The following DIAPH3 variants were observed in gnomAD, a reference collection of about 807,000 sequenced individuals.
The protein encoded by DIAPH3 is protein diaphanous homolog 3.
A neutral mutation model predicts 144.3 loss-of-function variants in DIAPH3; 117 were observed. The observed-to-expected ratio is 0.81, with a 90% CI of 0.70 to 0.95. The LOEUF is 0.95. Ranked by LOEUF, DIAPH3 falls within the 40% of genes least tolerant of loss-of-function variation. The pLI is 0.00. For missense variants in DIAPH3, 1,421 were observed against 1,412.7 expected, an observed-to-expected ratio of 1.01 and a Z score of -0.09; for synonymous variants, 519 against 488.9, an observed-to-expected ratio of 1.06 and a Z score of -0.81.
intron 15 of DIAPH3, 36 bp downstream of exon 15, chr13:59,974,316 T>G (rs934224147): frequency 3.9e-6 from 6 of 1,536,276 alleles, no homozygotes; most frequent in Non-Finnish European, 5.4e-6. Flanking sequence ...CTCACTGTGT[T>G]TTTAATACCC....
intron 27 of DIAPH3, among the ~76,000 whole-genome samples, chr13:59,742,713 GAAAA>G (rs1020963127): frequency 3.3e-4 from 44 of 133,436 alleles, no homozygotes; most frequent in Non-Finnish European, 6.0e-4. Context: ...AGAAAGAAAA[GAAAA>G]GAAAGAAAAG....
chr13:59,687,119 T>G (rs2033259677), intron 27 of DIAPH3, among the ~76,000 whole-genome samples: 2 of 152,086 alleles, frequency 1.3e-5, no homozygotes, highest in Admixed American at 6.6e-5. Context: ...ATGAATTTAA[T>G]CAGAAGCAGC....
At chr13:60,105,114 A>AAAAAAAC (rs2058382366) in intron 3 of DIAPH3, among the ~76,000 whole-genome samples, 2 of 150,704 alleles carry the variant, frequency 1.3e-5, no homozygotes, top group African/African-American at 2.4e-5. Context: ...AAAAAAAAAA[A>AAAAAAAC]AAAAAAAAAA....
intron 17 of DIAPH3, among the ~76,000 whole-genome samples, chr13:59,934,488 T>C (rs1383502442): frequency 6.6e-6 from 1 of 152,128 alleles, no homozygotes; most frequent in African/African-American, 2.4e-5. Flanking sequence ...ATAATTTACC[T>C]AGAAAATGAA....
At chr13:59,831,733 A>C (rs980143648) in intron 24 of DIAPH3, among the ~76,000 whole-genome samples, 2 of 151,852 alleles carry the variant, frequency 1.3e-5, no homozygotes, top group Non-Finnish European at 2.9e-5. Flanking sequence ...ATCAGGCAGG[A>C]TATTTCTAGG....
intron 5 of DIAPH3, 60 bp from the exon 6 acceptor site, chr13:60,016,205 T>A: frequency 7.1e-7 from 1 of 1,409,458 alleles, no homozygotes; most frequent in Non-Finnish European, 1.0e-6. Context: ...GTTATCATAT[T>A]ATATACCTAC....
chr13:59,687,147 A>C (rs1294482447), intron 27 of DIAPH3, among the ~76,000 whole-genome samples: 1 of 152,120 alleles, frequency 6.6e-6, no homozygotes, highest in Non-Finnish European at 1.5e-5. Context: ...GTGCAGGAAG[A>C]ATTTTCTCTT....
intron 4 of DIAPH3, among the ~76,000 whole-genome samples, chr13:60,085,024 T>A (rs990497091): frequency 6.6e-6 from 1 of 152,078 alleles, no homozygotes. Flanking sequence ...ATCTCTTAAG[T>A]ACAAAAGAGC....
At chr13:59,808,942 T>A (rs889466283) in intron 25 of DIAPH3, among the ~76,000 whole-genome samples, 2 of 152,202 alleles carry the variant, frequency 1.3e-5, no homozygotes, top group African/African-American at 2.4e-5. Flanking sequence ...GTGTTTTCGA[T>A]AATGTAAATA....
At chr13:59,910,814 GT>G (rs1189438078) in intron 20 of DIAPH3, among the ~76,000 whole-genome samples, 1 of 148,758 alleles carries the variant, frequency 6.7e-6, no homozygotes, top group Non-Finnish European at 1.5e-5. Context: ...TTCCTTTTGT[GT>G]TCTATTTGGA....
In DIAPH3 at chr13:59,699,382, G is replaced by A. The variant is rs538181725; in HGVS notation, c.3320-32536C>T. Among the ~76,000 whole-genome samples, 465 of 152,320 alleles carry A rather than the reference G, an allele frequency of 3.1e-3. 2 individuals carry two copies. Among genetic ancestry groups the A allele is most frequent in the African/African-American group, 9.9e-3 (410 of 41,568 alleles). On this transcript the variant is annotated intron_variant, in intron 27 of 27. Coordinates refer to ENST00000400324, the MANE Select transcript of DIAPH3 (RefSeq NM_001042517.2). Reference sequence around the variant, plus strand: ...AGCAAGATGGCTGGGACAGCTGAAGGGGAGTGAGCCAGGGCTGGAGTAGCA... The same window carrying A: ...AGCAAGATGGCTGGGACAGCTGAAGAGGAGTGAGCCAGGGCTGGAGTAGCA...
At chr13:59,993,702 T>TAAAAAAAAAAAAAAAAAAAA (rs3078724) in intron 9 of DIAPH3, among the ~76,000 whole-genome samples, 7 of 73,864 alleles carry the variant, frequency 9.5e-5, no homozygotes, top group African/African-American at 3.0e-4. Flanking sequence ...GAAACATACT[T>TAAAAAAAAAAAAAAAAAAAA]AAAAAAAAAA....
chr13:59,717,772 C>A (rs765436801), intron 27 of DIAPH3, among the ~76,000 whole-genome samples: 1 of 151,764 alleles, frequency 6.6e-6, no homozygotes, highest in Non-Finnish European at 1.5e-5. Flanking sequence ...TTCTGAAATG[C>A]TACCCTTGGA....
intron 1 of DIAPH3, among the ~76,000 whole-genome samples, chr13:60,156,940 T>TATATATA (rs58923567): frequency 1.8e-3 from 49 of 27,934 alleles, no homozygotes; most frequent in Middle Eastern, 0.021. Flanking sequence ...TATATATATA[T>TATATATA]TTTTTTTTTT....
intron 1 of DIAPH3, among the ~76,000 whole-genome samples, chr13:60,156,744 G>T (rs1325681275): frequency 6.6e-6 from 1 of 151,078 alleles, no homozygotes; most frequent in Non-Finnish European, 1.5e-5. Flanking sequence ...GGCATATTTG[G>T]GGGTATAATT....
intron 4 of DIAPH3, among the ~76,000 whole-genome samples, chr13:60,055,325 G>A (rs1252514611): frequency 1.3e-5 from 2 of 151,764 alleles, no homozygotes; most frequent in African/African-American, 4.8e-5. Context: ...TAACCAGCAC[G>A]ACCTCCAATC....
intron 5 of DIAPH3, among the ~76,000 whole-genome samples, chr13:60,039,887 C>T (rs888677028): frequency 1.3e-5 from 2 of 152,236 alleles, no homozygotes; most frequent in Middle Eastern, 3.4e-3. Context: ...CCAAGTTTTA[C>T]ATGTCCAGCT....
chr13:59,741,764 G>A (rs1304647412), intron 27 of DIAPH3, among the ~76,000 whole-genome samples: 1 of 148,506 alleles, frequency 6.7e-6, no homozygotes, highest in Non-Finnish European at 1.5e-5. Context: ...AACTTTTAAT[G>A]AGATATTCCA....
At chr13:59,724,617 A>G (rs1358431763) in intron 27 of DIAPH3, among the ~76,000 whole-genome samples, 1 of 152,226 alleles carries the variant, frequency 6.6e-6, no homozygotes. Context: ...CACAGTATTA[A>G]CTTTTCACTT....
Sources: allele counts gnomAD v4.1 joint callset (sites outside exome capture counted in the v4.1 genomes callset), GRCh38; gene constraint gnomAD v4.1.1; transcripts MANE v1.5; gene names NCBI Gene and HGNC (gene_info 2026-07-23, HGNC 2026-07-21).